Variants in CPPED1 observed in about 807,000 individuals in gnomAD.
The protein encoded by CPPED1 is calcineurin like phosphoesterase domain containing 1.
Under a neutral mutation model 28.0 loss-of-function variants are expected in CPPED1, and 28 were observed. That is an observed-to-expected ratio of 1.00 (90% CI 0.74 to 1.37). The LOEUF is 1.37. Among genes scored for constraint, CPPED1 ranks in the 40% most tolerant of loss-of-function variants. The probability of loss-of-function intolerance (pLI) is 0.00; values close to 1 mark genes in which losing one functional copy is unlikely to be tolerated. For synonymous variants in CPPED1, 198 were observed against 180.2 expected, an observed-to-expected ratio of 1.10 and a Z score of -0.79; for missense variants, 504 against 416.5, an observed-to-expected ratio of 1.21 and a Z score of -1.83.
At chr16:12,733,224 T>C (rs1481042531) in intron 2 of CPPED1, among the ~76,000 whole-genome samples, 1 of 151,368 alleles carries the variant, frequency 6.6e-6, no homozygotes, top group Admixed American at 6.6e-5. Context: ...ATAACATATG[T>C]ACAGGCAAGA....
intron 2 of CPPED1, among the ~76,000 whole-genome samples, chr16:12,725,180 G>A (rs770947709): frequency 2.0e-5 from 3 of 152,050 alleles, no homozygotes; most frequent in Admixed American, 2.0e-4. Flanking sequence ...TGCAGCATCT[G>A]CCTCTCAGGT....
intron 3 of CPPED1, among the ~76,000 whole-genome samples, chr16:12,700,727 T>C (rs1391627359): frequency 6.6e-6 from 1 of 152,158 alleles, no homozygotes; most frequent in East Asian, 1.9e-4. Context: ...CAAATACTGA[T>C]AAAACATTTA....
intron 3 of CPPED1, among the ~76,000 whole-genome samples, chr16:12,693,433 C>T (rs147344082): frequency 6.6e-6 from 1 of 152,150 alleles, no homozygotes; most frequent in East Asian, 1.9e-4. Context: ...TGGGCTCAAG[C>T]GACCCGCCCA....
intron 1 of CPPED1, among the ~76,000 whole-genome samples, chr16:12,803,474 G>C (rs775742047): frequency 2.0e-5 from 3 of 152,216 alleles, no homozygotes; most frequent in African/African-American, 4.8e-5. Context: ...TCTGGGGGAA[G>C]TTAGGTCAAG....
chr16:12,729,562 T>C (rs771473245), intron 2 of CPPED1, among the ~76,000 whole-genome samples: 1 of 152,204 alleles, frequency 6.6e-6, no homozygotes, highest in East Asian at 1.9e-4. Flanking sequence ...AAACGACGTC[T>C]GGAGTACTGG....
At chr16:12,726,945 T>C (rs1389393753) in intron 2 of CPPED1, among the ~76,000 whole-genome samples, 1 of 152,158 alleles carries the variant, frequency 6.6e-6, no homozygotes, top group Non-Finnish European at 1.5e-5. Context: ...ATGCTCACCA[T>C]GCCTGTGAAG....
rs76012656 is a variant in CPPED1 at position 12,682,861 on chromosome 16, G to A, written c.716-17746C>T. ...GCTTGCGTGTGAAATGGAGCGTGGG[G>A]CCCACATTAAGGTTTCAATCCAGAA... On this transcript the variant is annotated intron_variant, in intron 3 of 3. Coordinates refer to ENST00000381774, the MANE Select transcript of CPPED1 (RefSeq NM_018340.3). The surrounding 1 kb of genome is among the most constrained non-coding windows in gnomAD (Gnocchi z 6.1). Among the ~76,000 whole-genome samples the A allele has an allele frequency of 4.0e-4, 61 of 152,296 alleles. No individual in the cohort carries two copies. The highest frequency in any genetic ancestry group is 1.4e-3 in the African/African-American group (59 of 41,538).
chr16:12,672,870 C>T (rs2079859530), intron 3 of CPPED1, among the ~76,000 whole-genome samples: 1 of 152,020 alleles, frequency 6.6e-6, no homozygotes, highest in African/African-American at 2.4e-5. Flanking sequence ...AAAAACTAGC[C>T]AGGCGTGGTG....
chr16:12,749,413 A>G (rs2080312713), intron 2 of CPPED1, among the ~76,000 whole-genome samples: 1 of 152,204 alleles, frequency 6.6e-6, no homozygotes, highest in Non-Finnish European at 1.5e-5. Flanking sequence ...ATTGCAATTC[A>G]GTCACATCTT....
At chr16:12,798,042 C>T (rs2080637971) in intron 1 of CPPED1, among the ~76,000 whole-genome samples, 1 of 152,144 alleles carries the variant, frequency 6.6e-6, no homozygotes, top group African/African-American at 2.4e-5. Context: ...CATGATCACA[C>T]CACTGTACTC....
chr16:12,690,947 C>A (rs2079959474), intron 3 of CPPED1, among the ~76,000 whole-genome samples: 2 of 152,174 alleles, frequency 1.3e-5, no homozygotes, highest in Non-Finnish European at 2.9e-5. Flanking sequence ...GAAGAATGGG[C>A]AGGAGGGTGA....
chr16:12,754,173 T>G lies in CPPED1; in HGVS notation c.289+27012A>C, dbSNP rs1234378990. ...GGGCACACTCGGGTTCACTGTGGCT[T>G]TTGAACCCACCCATTTGAGGGTTTA... On this transcript the variant is annotated intron_variant, in intron 2 of 3. Transcript: ENST00000381774. 2.0e-5 allele frequency among the ~76,000 whole-genome samples: 3 copies of G among 152,192 alleles called. No homozygotes were observed. The East Asian group carries it at 5.8e-4, about 29-fold the overall frequency.
At chr16:12,746,991 T>C (rs887925470) in intron 2 of CPPED1, among the ~76,000 whole-genome samples, 2 of 149,086 alleles carry the variant, frequency 1.3e-5, no homozygotes, top group Non-Finnish European at 1.5e-5. Flanking sequence ...AGACAACATA[T>C]AGAAAAATGG....
At chr16:12,793,239 C>T (rs2080607080) in intron 1 of CPPED1, among the ~76,000 whole-genome samples, 1 of 152,226 alleles carries the variant, frequency 6.6e-6, no homozygotes, top group African/African-American at 2.4e-5. Flanking sequence ...ACACACTTCG[C>T]TCTTTACAAC....
chr16:12,775,666 C>T (rs1379852805), intron 2 of CPPED1, among the ~76,000 whole-genome samples: 1 of 152,196 alleles, frequency 6.6e-6, no homozygotes, highest in Non-Finnish European at 1.5e-5. Flanking sequence ...TTCTACATCT[C>T]TAACAGCTCC....
At chr16:12,686,338 G>C (rs1224610210) in intron 3 of CPPED1, among the ~76,000 whole-genome samples, 3 of 151,764 alleles carry the variant, frequency 2.0e-5, no homozygotes, top group Non-Finnish European at 4.4e-5. Context: ...CCAGTAGCTG[G>C]GACTACAGGC....
At chr16:12,741,110 T>C (rs888305458) in intron 2 of CPPED1, among the ~76,000 whole-genome samples, 8 of 152,062 alleles carry the variant, frequency 5.3e-5, no homozygotes, top group African/African-American at 1.2e-4. Context: ...GGGGCCCAAT[T>C]ATGACAAAAT....
At chr16:12,685,532 G>A (rs1052513782) in intron 3 of CPPED1, among the ~76,000 whole-genome samples, 2 of 152,304 alleles carry the variant, frequency 1.3e-5, no homozygotes, top group Non-Finnish European at 2.9e-5. Context: ...GACGTAATGC[G>A]TTTAAACCCC....
At chr16:12,793,169 G>A (rs115937939) in intron 1 of CPPED1, among the ~76,000 whole-genome samples, 2,160 of 152,278 alleles carry the variant, frequency 0.014, 42 homozygotes, top group African/African-American at 0.041. Flanking sequence ...AACCTTACAC[G>A]ATAGCGGGGG....
Sources: gnomAD v4.1 joint callset for allele counts (sites outside exome capture counted in the v4.1 genomes callset) on GRCh38, gnomAD v4.1.1 for gene constraint, Gnocchi (gnomAD v3.1) non-coding constraint, MANE v1.5 for transcripts, NCBI Gene and HGNC (gene_info 2026-07-23, HGNC 2026-07-21) for gene names.